The following MPPED1 variants were observed in gnomAD, a reference collection of about 807,000 sequenced individuals.
MPPED1 encodes the protein metallophosphoesterase domain-containing protein 1.
A neutral mutation model predicts 36.2 loss-of-function variants in MPPED1; 16 were observed. The ratio of observed to expected loss-of-function variants is 0.44; its 90% CI spans 0.30 to 0.67. The LOEUF (loss-of-function observed/expected upper bound fraction) is 0.67. Among genes scored for constraint, MPPED1 ranks in the 30% least tolerant of loss-of-function variants. MPPED1 has a pLI of 0.10. For synonymous variants in MPPED1, 199 were observed against 191.3 expected (o/e 1.04, Z -0.33); for missense variants, 307 against 453.4 (o/e 0.68, Z 2.93).
intron 3 of MPPED1, among the ~76,000 whole-genome samples, chr22:43,462,829 A>G (rs1051629030): frequency 6.6e-6 from 1 of 151,374 alleles, no homozygotes; most frequent in Non-Finnish European, 1.5e-5. Flanking sequence ...ATCTCCTTTC[A>G]CCTTTCTTCT....
At chr22:43,486,949 G>C (rs534088258) in intron 4 of MPPED1, among the ~76,000 whole-genome samples, 37 of 152,290 alleles carry the variant, frequency 2.4e-4, no homozygotes, top group Non-Finnish European at 4.9e-4. Flanking sequence ...TTTCATCGCT[G>C]ATATGGGTCT....
At chr22:43,486,720 A>G (rs2146899507) in intron 4 of MPPED1, among the ~76,000 whole-genome samples, 2 of 151,900 alleles carry the variant, frequency 1.3e-5, no homozygotes, top group African/African-American at 2.4e-5. Context: ...ACCCCGGGAA[A>G]TGGGGGCCCT....
chr22:43,417,952 G>A (rs946099644), intron 1 of MPPED1: 2 of 434,086 alleles, frequency 4.6e-6, no homozygotes, highest in Non-Finnish European at 9.3e-6. Context: ...AGCGGGGATG[G>A]CTGTTGGGGG....
intron 2 of MPPED1, 117 bp downstream of exon 2, chr22:43,425,326 C>T: frequency 2.1e-6 from 3 of 1,425,374 alleles, no homozygotes; most frequent in Middle Eastern, 2.6e-4. Flanking sequence ...TGTTTGTTGA[C>T]TGCAACAATT....
intron 1 of MPPED1, among the ~76,000 whole-genome samples, chr22:43,416,183 G>A (rs545802648): frequency 1.3e-5 from 2 of 152,206 alleles, no homozygotes; most frequent in Non-Finnish European, 2.9e-5. Context: ...CCTGCACAAT[G>A]CAGTGGTTGG....
intron 4 of MPPED1, among the ~76,000 whole-genome samples, chr22:43,484,138 G>A (rs1038433125): frequency 6.6e-6 from 1 of 152,272 alleles, no homozygotes; most frequent in Non-Finnish European, 1.5e-5. Flanking sequence ...ATTTCTGGAT[G>A]ATTCCAGCAC....
rs150075018 is a variant in MPPED1 at position 43,486,772 on chromosome 22, G to T, written c.633-11463G>T. 2.2e-3 allele frequency among the ~76,000 whole-genome samples: 334 copies of T among 152,062 alleles called. 1 individual carries two copies. The highest frequency in any genetic ancestry group is 7.7e-3 in the African/African-American group (321 of 41,428). ...GCCCCCAGGGGAGGTGAGCCTTCCT[G>T]GGGGTCCAGATGCAGCAGAGGGGTG... On this transcript the variant is annotated intron_variant, in intron 4 of 6. Coordinates refer to ENST00000443721, the MANE Select transcript of MPPED1 (RefSeq NM_001044370.2).
chr22:43,429,157 T>G (rs1429952224), intron 2 of MPPED1, among the ~76,000 whole-genome samples: 4 of 152,174 alleles, frequency 2.6e-5, no homozygotes, highest in Non-Finnish European at 4.4e-5. Flanking sequence ...GTTCCTGGCC[T>G]TTCCTGCTGT....
chr22:43,426,774 G>C (rs980847624), intron 2 of MPPED1, among the ~76,000 whole-genome samples: 1 of 152,232 alleles, frequency 6.6e-6, no homozygotes, highest in Non-Finnish European at 1.5e-5. Context: ...TTGTCTCCGT[G>C]TGGGGCCACA....
At chr22:43,496,936 GGTA>G (rs1375214123) in intron 4 of MPPED1, among the ~76,000 whole-genome samples, 2 of 55,260 alleles carry the variant, frequency 3.6e-5, no homozygotes, top group Non-Finnish European at 7.4e-5. Flanking sequence ...TGGTGGTGGA[GGTA>G]GTGGTGGTGG....
intron 4 of MPPED1, among the ~76,000 whole-genome samples, chr22:43,475,373 A>G (rs1203597744): frequency 6.7e-6 from 1 of 150,250 alleles, no homozygotes; most frequent in African/African-American, 2.5e-5. Flanking sequence ...CTATAATGCT[A>G]GGAATCTTTC....
In MPPED1 at chr22:43,474,159, G is replaced by T. The variant is rs1400845787; in HGVS notation, c.407-577G>T. Among the ~76,000 whole-genome samples the T allele has an allele frequency of 6.6e-6, 1 of 152,210 alleles. No homozygotes were observed. The highest frequency in any genetic ancestry group is 1.5e-5 in the Non-Finnish European group (1 of 68,046). ...ATAAAGAGTCCAAGATACCCAGGGGGTGGGGGCCTGGGACCGTGAGGCCAG... is the reference window on the plus strand; with the variant it reads ...ATAAAGAGTCCAAGATACCCAGGGGTTGGGGGCCTGGGACCGTGAGGCCAG... On this transcript the variant is annotated intron_variant, in intron 3 of 6. Coordinates refer to ENST00000443721, the MANE Select transcript of MPPED1 (RefSeq NM_001044370.2). The surrounding 1 kb of genome is among the most constrained non-coding windows in gnomAD (Gnocchi z 5.2).
intron 3 of MPPED1, among the ~76,000 whole-genome samples, chr22:43,456,173 A>G (rs1253138655): frequency 2.0e-5 from 3 of 152,216 alleles, no homozygotes; most frequent in Non-Finnish European, 2.9e-5. Flanking sequence ...AACCTCAAGC[A>G]TAATGTTGAA....
chr22:43,433,625 C>A (rs1461576143), intron 2 of MPPED1, among the ~76,000 whole-genome samples: 1 of 151,788 alleles, frequency 6.6e-6, no homozygotes, highest in African/African-American at 2.4e-5. Flanking sequence ...CCCGCCGCGG[C>A]ATCGTGGTGG....
chr22:43,467,267 A>G (rs1931205566), intron 3 of MPPED1, among the ~76,000 whole-genome samples: 1 of 152,226 alleles, frequency 6.6e-6, no homozygotes, highest in African/African-American at 2.4e-5. Context: ...GGTGTCTGGA[A>G]GCATTGAATG....
chr22:43,500,348 GAT>G (rs1932678839), intron 5 of MPPED1, among the ~76,000 whole-genome samples: 1 of 147,552 alleles, frequency 6.8e-6, no homozygotes, highest in African/African-American at 2.6e-5. Context: ...TGGTGGTGGT[GAT>G]GGTGATGGAG....
intron 3 of MPPED1, among the ~76,000 whole-genome samples, chr22:43,449,467 G>A (rs1930486648): frequency 7.5e-6 from 1 of 132,474 alleles, no homozygotes; most frequent in Non-Finnish European, 1.5e-5. Context: ...GTTGTTATTG[G>A]CTAAGTCAAG....
intron 3 of MPPED1, among the ~76,000 whole-genome samples, chr22:43,463,806 CTT>C (rs1192913131): frequency 8.2e-6 from 1 of 121,584 alleles, no homozygotes; most frequent in Admixed American, 8.4e-5. Flanking sequence ...TTCATTTTTT[CTT>C]TTCTTTCTTT....
Position 43,505,819 on chromosome 22 carries a change from G to T in MPPED1, c.*203G>T, listed in dbSNP as rs1338542960. 1.4e-5 allele frequency: 8 copies of T among 554,508 alleles called. No individual in the cohort carries two copies. Among genetic ancestry groups the T allele is most frequent in the Non-Finnish European group, 2.6e-5 (8 of 310,844 alleles). The allele number at this position is 554,508 out of a possible 1,614,324, so 34.3% of individuals were successfully genotyped here. Reference sequence around the variant, plus strand: ...TGCGCATCCCCATCAGGGGTTCTGTGCTCATTTACTTTTTCTGCGTGTACA... The same window carrying T: ...TGCGCATCCCCATCAGGGGTTCTGTTCTCATTTACTTTTTCTGCGTGTACA... On this transcript the variant is annotated 3_prime_UTR_variant, in exon 7 of 7. Transcript: ENST00000443721.
Sources: allele counts gnomAD v4.1 joint callset (sites outside exome capture counted in the v4.1 genomes callset), GRCh38; gene constraint gnomAD v4.1.1; non-coding constraint Gnocchi (gnomAD v3.1); transcripts MANE v1.5; gene names NCBI Gene and HGNC (gene_info 2026-07-23, HGNC 2026-07-21).